Variants in SDK1 observed in about 807,000 individuals in gnomAD.
SDK1 encodes sidekick cell adhesion molecule 1.
SDK1 carries 157 observed loss-of-function variants against 245.5 expected under a neutral mutation model. The ratio of observed to expected loss-of-function variants is 0.64; its 90% confidence interval spans 0.56 to 0.73. The LOEUF (loss-of-function observed/expected upper bound fraction) is 0.73. Ranked by LOEUF, SDK1 falls within the 30% of genes least tolerant of loss-of-function variation. SDK1 has a pLI of 0.00. For synonymous variants in SDK1, 1,647 were observed against 1,278.5 expected (o/e 1.29, Z -6.15); for missense variants, 3,583 against 3,002.3 (o/e 1.19, Z -4.52).
At chr7:3,721,562 G>C (rs575042722) in intron 4 of SDK1, among the ~76,000 whole-genome samples, 1 of 152,344 alleles carries the variant, frequency 6.6e-6, no homozygotes, top group South Asian at 2.1e-4. Context: ...TAACACCTCT[G>C]TGGGTGCACC....
intron 17 of SDK1, among the ~76,000 whole-genome samples, chr7:4,028,595 A>G (rs113272469): frequency 4.6e-5 from 7 of 152,342 alleles, no homozygotes; most frequent in African/African-American, 1.7e-4. Flanking sequence ...ACCAAGGTGA[A>G]CCAGTGAAAA....
At chr7:4,023,095 A>G (rs10228937) in intron 17 of SDK1, among the ~76,000 whole-genome samples, 71,127 of 151,760 alleles carry the variant, frequency 0.47, 19,168 homozygotes, top group African/African-American at 0.76. Flanking sequence ...TTTCAATCCC[A>G]TTTATGGCTC....
rs569711044 is a variant in SDK1 at position 3,613,960 on chromosome 7, T to A, written c.299-5120T>A. Among the ~76,000 whole-genome samples, 10 of 152,056 alleles carry A rather than the reference T, an allele frequency of 6.6e-5. 1 individual carries two copies. The South Asian group carries it at 1.9e-3, about 29-fold the overall frequency. On this transcript the variant is annotated intron_variant, in intron 1 of 44. Coordinates refer to ENST00000404826, the MANE Select transcript of SDK1 (RefSeq NM_152744.4). ...GACACAGAGAGGGGAACAACACACA[T>A]TGAGTCCTGTTGGAGCGTGGAGGAT...
intron 35 of SDK1, among the ~76,000 whole-genome samples, chr7:4,192,004 C>T (rs932435746): frequency 1.3e-5 from 2 of 152,224 alleles, no homozygotes; most frequent in Admixed American, 6.5e-5. Context: ...TCCTCCTCTC[C>T]AGCCACACTC....
At chr7:3,814,944 G>T (rs1392101710) in intron 4 of SDK1, among the ~76,000 whole-genome samples, 4 of 152,072 alleles carry the variant, frequency 2.6e-5, no homozygotes, top group Non-Finnish European at 5.9e-5. Flanking sequence ...GAATGCTTGT[G>T]ATTTTTGTAC....
chr7:3,475,312 C>G (rs886248010), intron 1 of SDK1, among the ~76,000 whole-genome samples: 3 of 152,160 alleles, frequency 2.0e-5, no homozygotes, highest in African/African-American at 7.2e-5. Flanking sequence ...CTCTCTGGAG[C>G]CCTCCCCAGC....
chr7:3,788,942 A>G (rs1780995410), intron 4 of SDK1, among the ~76,000 whole-genome samples: 1 of 152,172 alleles, frequency 6.6e-6, no homozygotes, highest in African/African-American at 2.4e-5. Flanking sequence ...TGTAGAATAG[A>G]ACTGTTTACG....
rs930448419 is a variant in SDK1, at chr7:3,586,234, A to T, written c.299-32846A>T. Among the ~76,000 whole-genome samples the T allele has an allele frequency of 4.7e-4, 71 of 152,058 alleles. 1 individual carries two copies. The highest frequency in any genetic ancestry group is 1.7e-3 in the African/African-American group (70 of 41,398). ...AAGGAAGAGAGGTAGGATTTAAGTCATACAAAATGGGCTAAGTTACTGGGT... is the reference window on the plus strand; with the variant it reads ...AAGGAAGAGAGGTAGGATTTAAGTCTTACAAAATGGGCTAAGTTACTGGGT... On this transcript the variant is annotated intron_variant, in intron 1 of 44. Transcript: ENST00000404826.
chr7:3,348,016 A>G (rs1008238921), intron 1 of SDK1, among the ~76,000 whole-genome samples: 30 of 152,138 alleles, frequency 2.0e-4, no homozygotes, highest in Admixed American at 1.3e-3. Flanking sequence ...AAGGAGTATT[A>G]TAACAGAGGA....
chr7:3,655,446 CAAATATATATATATATAT>C (rs1783134959), intron 4 of SDK1, among the ~76,000 whole-genome samples: 1 of 66,182 alleles, frequency 1.5e-5, no homozygotes, highest in East Asian at 5.1e-4. Context: ...CAAAACAAAA[CAAATATATATATATATAT>C]ATATATATAT....
intron 14 of SDK1, among the ~76,000 whole-genome samples, chr7:4,003,555 T>TGA (rs1444602341): frequency 5.9e-5 from 9 of 152,240 alleles, no homozygotes; most frequent in African/African-American, 2.2e-4. Context: ...ATTTGTCTGA[T>TGA]GTTCTTCTCT....
chr7:3,374,902 T>G (rs1444688079), intron 1 of SDK1, among the ~76,000 whole-genome samples: 2 of 152,240 alleles, frequency 1.3e-5, no homozygotes, highest in South Asian at 2.1e-4. Flanking sequence ...TTATGCAGTT[T>G]CTTTATAGTC....
At chr7:3,752,999 T>C (rs947395072) in intron 4 of SDK1, among the ~76,000 whole-genome samples, 14 of 152,174 alleles carry the variant, frequency 9.2e-5, no homozygotes, top group African/African-American at 3.4e-4. Context: ...CCCTGAAAGA[T>C]AAAGGGTAGC....
At chr7:3,972,141 A>G (rs984948915) in intron 12 of SDK1, among the ~76,000 whole-genome samples, 1 of 145,646 alleles carries the variant, frequency 6.9e-6, no homozygotes, top group African/African-American at 2.6e-5. Flanking sequence ...GTACAGTGGC[A>G]TTATCTCAGC....
intron 5 of SDK1, among the ~76,000 whole-genome samples, chr7:3,875,668 G>GCA (rs1233407421): frequency 6.6e-6 from 1 of 152,164 alleles, no homozygotes; most frequent in East Asian, 1.9e-4. Context: ...GGAAAGATTG[G>GCA]CAAAAACTGG....
intron 2 of SDK1, among the ~76,000 whole-genome samples, chr7:3,625,946 T>TTTC (rs1324265240): frequency 6.8e-6 from 1 of 148,034 alleles, no homozygotes; most frequent in African/African-American, 2.5e-5. Context: ...TTCTTTCTTT[T>TTTC]TTTTTTTTTT....
chr7:4,052,627 A>G (rs1209423759), intron 19 of SDK1, among the ~76,000 whole-genome samples: 1 of 152,226 alleles, frequency 6.6e-6, no homozygotes, highest in Non-Finnish European at 1.5e-5. Flanking sequence ...AATATACTGT[A>G]TGAAATATGA....
chr7:3,390,048 T>TA (rs1364735290), intron 1 of SDK1, among the ~76,000 whole-genome samples: 1 of 152,134 alleles, frequency 6.6e-6, no homozygotes, highest in African/African-American at 2.4e-5. Context: ...AATTGTGTCT[T>TA]AGAGCTCTAC....
intron 9 of SDK1, among the ~76,000 whole-genome samples, chr7:3,964,316 C>T (rs996444451): frequency 2.7e-4 from 41 of 152,328 alleles, no homozygotes; most frequent in Non-Finnish European, 2.9e-5. Context: ...GTACCCTCCT[C>T]TTCTCAGGGT....
Sources: allele counts gnomAD v4.1 joint callset (sites outside exome capture counted in the v4.1 genomes callset), GRCh38; gene constraint gnomAD v4.1.1; transcripts MANE v1.5; gene names NCBI Gene and HGNC (gene_info 2026-07-23, HGNC 2026-07-21).